The following MYL2 variants were observed in gnomAD, a reference collection of about 807,000 sequenced individuals.
The protein encoded by MYL2 is myosin light chain 2.
A neutral mutation model predicts 23.0 loss-of-function variants in MYL2; 19 were observed. The ratio of observed to expected loss-of-function variants is 0.83; its 90% CI spans 0.58 to 1.21. The LOEUF is 1.21. MYL2 is among the 50% of genes most tolerant of loss of function. The pLI is 0.00. For synonymous variants in MYL2, 78 were observed against 76.2 expected (o/e 1.02, Z -0.13); for missense variants, 180 against 215.1 (o/e 0.84, Z 1.02).
chr12:110,913,037 C>A lies in MYL2; in HGVS notation c.402+59G>T, dbSNP rs549226413. The A allele has an allele frequency of 8.2e-6, 13 of 1,583,530 alleles. No individual in the cohort carries two copies. In the South Asian group the frequency reaches 1.2e-4, roughly 15 times the overall value. On this transcript the variant is annotated intron_variant, in intron 6 of 6. Transcript: ENST00000228841. ...GCTTTAGACGAGAGGGGAGACGGAGCCCCCCAGAAGGAGAACCCAGGAGCT... is the reference window on the plus strand; with the variant it reads ...GCTTTAGACGAGAGGGGAGACGGAGACCCCCAGAAGGAGAACCCAGGAGCT...
At chr12:110,919,930 T>A (rs1460679313) in intron 1 of MYL2, among the ~76,000 whole-genome samples, 10 of 152,120 alleles carry the variant, frequency 6.6e-5, no homozygotes, top group Admixed American at 6.5e-4. Context: ...AGAGGTTGGG[T>A]CACTTGCCCA....
rs2071673523 is a variant in MYL2, at chr12:110,914,173, C to T, written c.274+13G>A. The T allele has an allele frequency of 1.9e-6, 3 of 1,596,596 alleles. No individual in the cohort carries two copies. Among genetic ancestry groups the T allele is most frequent in the Non-Finnish European group, 2.6e-6 (3 of 1,164,094 alleles). The stretch of plus-strand genomic sequence containing the variant: ...ACATACACACAGACACACACACACA[C>T]ACACGACCTTACCCTTAAGTTTCTC... On this transcript the variant is annotated intron_variant, in intron 4 of 6. Coordinates refer to ENST00000228841, the MANE Select transcript of MYL2 (RefSeq NM_000432.4).
intron 3 of MYL2, 126 bp downstream of exon 3, chr12:110,915,589 C>T (rs1592800957): frequency 3.1e-6 from 3 of 952,978 alleles, no homozygotes; most frequent in Non-Finnish European, 5.2e-6. Flanking sequence ...TCTTAAAGAC[C>T]AGTTGTGGCA....
chr12:110,920,433 C>T lies in MYL2; in HGVS notation c.3+94G>A, dbSNP rs1047207213. The T allele has an allele frequency of 3.5e-5, 56 of 1,586,220 alleles. 2 individuals are homozygous for T. In the South Asian group the frequency reaches 5.2e-4, roughly 15 times the overall value. On this transcript the variant is annotated intron_variant, in intron 1 of 6. Transcript: ENST00000228841. ...ACAAGGGGCTGGAGGCTTTGAGGGC[C>T]GCCTTCCTCCCCCTCCGCCGTGGTC...
At chr12:110,917,649 A>C (rs1406928765) in intron 2 of MYL2, among the ~76,000 whole-genome samples, 1 of 152,016 alleles carries the variant, frequency 6.6e-6, no homozygotes, top group Non-Finnish European at 1.5e-5. Flanking sequence ...TGACTATCTC[A>C]AGTTCAGATA....
At chr12:110,919,503 C>T (rs2071707036) in intron 1 of MYL2, among the ~76,000 whole-genome samples, 1 of 152,166 alleles carries the variant, frequency 6.6e-6, no homozygotes, top group Non-Finnish European at 1.5e-5. Context: ...CTTCAGATCG[C>T]CCCTGCAGGA....
Position 110,913,279 on chromosome 12 carries a change from TCAAA to T in MYL2, c.316_319del (p.Phe106ThrfsTer8), listed in dbSNP as rs2071666714. 6.2e-7 allele frequency: 1 copy of T among 1,614,074 alleles called. No homozygotes were observed. On this transcript the variant is annotated frameshift_variant, in exon 5 of 7. Transcript: ENST00000228841. LOFTEE classifies it high-confidence loss of function. ...CTTCAGCACCCCTTTGCCTTCAGGG[TCAAA>T]CACTTTGAATGCGTTGAGAATGGTT...
chr12:110,913,636 G>A (rs2071668951), intron 4 of MYL2, among the ~76,000 whole-genome samples: 1 of 152,204 alleles, frequency 6.6e-6, no homozygotes, highest in African/African-American at 2.4e-5. Flanking sequence ...GTAAACTGGT[G>A]ATAAGAATAG....
intron 1 of MYL2, among the ~76,000 whole-genome samples, chr12:110,919,721 A>G (rs1161511738): frequency 6.6e-6 from 1 of 152,140 alleles, no homozygotes; most frequent in Non-Finnish European, 1.5e-5. Flanking sequence ...TCCTCTCTGA[A>G]TGCTCCGTCC....
chr12:110,911,326 C>T, intron 6 of MYL2, 151 bp from the exon 7 acceptor site: 1 of 663,588 alleles, frequency 1.5e-6, no homozygotes, highest in Non-Finnish European at 2.7e-6. Context: ...GGAAGGACTT[C>T]CCCAGCTGCT....
At position 110,918,911 on chromosome 12, in the gene MYL2, C is replaced by T. The variant is rs2071702466; in HGVS notation, c.93+193G>A. ...ATTTTTCAACATGGAATATGTTTTACTTTGATAATCAGTGAAAATATTAAA... is the reference window on the plus strand; with the variant it reads ...ATTTTTCAACATGGAATATGTTTTATTTTGATAATCAGTGAAAATATTAAA... On this transcript the variant is annotated intron_variant, in intron 2 of 6. Coordinates refer to ENST00000228841, the MANE Select transcript of MYL2 (RefSeq NM_000432.4). The surrounding 1 kb of genome is among the most constrained non-coding windows in gnomAD (Gnocchi z 4.4). 2 of 593,188 alleles carry T rather than the reference C, an allele frequency of 3.4e-6. No homozygotes were observed. Among genetic ancestry groups the T allele is most frequent in the Non-Finnish European group, 3.0e-6 (1 of 337,920 alleles). 36.7% of individuals were successfully genotyped at this position (593,188 alleles called of 1,614,324 possible). A position where few individuals can be genotyped will look rare whatever the true frequency, so the allele number is the denominator to read the frequency against.
chr12:110,921,353 CCT>C (rs1422788643), upstream of MYL2, among the ~76,000 whole-genome samples: 1 of 152,098 alleles, frequency 6.6e-6, no homozygotes, highest in Non-Finnish European at 1.5e-5. Flanking sequence ...AGAGCAAGAC[CCT>C]GTCTCAAAAC....
rs77166102 is a variant in MYL2 at position 110,912,062 on chromosome 12, T to C, written c.403-887A>G. Among the ~76,000 whole-genome samples, 576 of 152,280 alleles carry C rather than the reference T, an allele frequency of 3.8e-3. 2 individuals carry two copies. Among genetic ancestry groups the C allele is most frequent in the African/African-American group, 0.013 (537 of 41,540 alleles). ...TTCAAAGCACACAGCAGGTGGAAAGTGAAGGCAGCCCTTTTAGCTGCTTGA... is the reference window on the plus strand; with the variant it reads ...TTCAAAGCACACAGCAGGTGGAAAGCGAAGGCAGCCCTTTTAGCTGCTTGA... On this transcript the variant is annotated intron_variant, in intron 6 of 6. Coordinates refer to ENST00000228841, the MANE Select transcript of MYL2 (RefSeq NM_000432.4).
At chr12:110,917,052 G>A (rs2071692192) in intron 2 of MYL2, among the ~76,000 whole-genome samples, 2 of 151,792 alleles carry the variant, frequency 1.3e-5, no homozygotes. Flanking sequence ...CACCACGTTG[G>A]CCAGGCTGGT....
rs1270816628 is a variant in MYL2, at chr12:110,910,889, C to G, written c.*188G>C. The stretch of plus-strand genomic sequence containing the variant: ...TGGAACATGGCCTCTGGATGGATTT[C>G]CAACTGTAGGATGTGCGGCCACGAA... On this transcript the variant is annotated 3_prime_UTR_variant, in exon 7 of 7. Transcript: ENST00000228841. 1 of 632,458 alleles carries G rather than the reference C, an allele frequency of 1.6e-6. No homozygotes were observed. The highest frequency in any genetic ancestry group is 2.3e-5 in the Admixed American group (1 of 42,620). 39.2% of individuals were successfully genotyped at this position (632,458 alleles called of 1,614,324 possible).
intron 4 of MYL2, among the ~76,000 whole-genome samples, chr12:110,913,949 G>T (rs2071671513): frequency 1.3e-5 from 2 of 152,014 alleles, no homozygotes; most frequent in Non-Finnish European, 2.9e-5. Context: ...TACAGATGGG[G>T]TTTCACCATG....
intron 1 of MYL2, among the ~76,000 whole-genome samples, chr12:110,919,899 G>A (rs2071709766): frequency 6.6e-6 from 1 of 152,264 alleles, no homozygotes. Context: ...CCATTTTACA[G>A]GAGAGGCAAC....
At chr12:110,919,664 C>T (rs1592802724) in intron 1 of MYL2, among the ~76,000 whole-genome samples, 1 of 152,150 alleles carries the variant, frequency 6.6e-6, no homozygotes. Context: ...AACCCAACTG[C>T]GCCCCACACC....
At chr12:110,916,145 G>C (rs940960107) in intron 2 of MYL2, among the ~76,000 whole-genome samples, 4 of 152,208 alleles carry the variant, frequency 2.6e-5, no homozygotes. Flanking sequence ...AGACCAGCCT[G>C]GCCAACATGG....
Sources: gnomAD v4.1 joint callset for allele counts (sites outside exome capture counted in the v4.1 genomes callset) on GRCh38, gnomAD v4.1.1 for gene constraint, Gnocchi (gnomAD v3.1) non-coding constraint, MANE v1.5 for transcripts, NCBI Gene and HGNC (gene_info 2026-07-23, HGNC 2026-07-21) for gene names.